Variants in SAMMSON observed in about 807,000 individuals in gnomAD.
SAMMSON encodes the protein survival associated mitochondrial melanoma specific oncogenic non-coding RNA.
rs1382562717 is a variant in SAMMSON at position 70,299,151 on chromosome 3, G to C, written n.739+7908G>C. Among the ~76,000 whole-genome samples, 6 of 152,164 alleles carry C rather than the reference G, an allele frequency of 3.9e-5. No homozygotes were observed. In the East Asian group the frequency reaches 9.6e-4, roughly 24 times the overall value. ...CCTGAATATCCAAACATAGGTAATT[G>C]GTTACATATATTTTGTTACTTCATA... On this transcript the variant is annotated intron_variant and non_coding_transcript_variant, in intron 7 of 9. Transcript: ENST00000642114.
Position 70,080,865 on chromosome 3 carries a change from G to C in SAMMSON, n.507+9300G>C, listed in dbSNP as rs557603117. Among the ~76,000 whole-genome samples the C allele has an allele frequency of 3.3e-5, 5 of 152,208 alleles. No homozygotes were observed. The East Asian group carries it at 9.7e-4, about 29-fold the overall frequency. ...AAAGATCCAGCTGATAACCTTTGAA[G>C]ATGTGGTTCCTGTGCTTTCTACTAA... On this transcript the variant is annotated intron_variant and non_coding_transcript_variant, in intron 4 of 9. Coordinates refer to ENST00000642114, the Ensembl canonical transcript of SAMMSON.
chr3:70,012,753 A>T (rs1037027292), intron 2 of SAMMSON, among the ~76,000 whole-genome samples: 6 of 152,164 alleles, frequency 3.9e-5, no homozygotes, highest in South Asian at 2.1e-4. Flanking sequence ...ATTGGGCCAG[A>T]CTGTAGAAGG....
At chr3:70,185,351 A>G (rs1016801420) in intron 4 of SAMMSON, among the ~76,000 whole-genome samples, 1 of 152,128 alleles carries the variant, frequency 6.6e-6, no homozygotes, top group Admixed American at 6.5e-5. Flanking sequence ...AATGTCCACT[A>G]AAAGTTTCAT....
chr3:70,415,663 T>C (rs1701259175), intron 2 of SAMMSON, among the ~76,000 whole-genome samples: 1 of 152,208 alleles, frequency 6.6e-6, no homozygotes, highest in Non-Finnish European at 1.5e-5. Context: ...GTCAATCTCC[T>C]AATCAAATTT....
chr3:70,020,392 A>G (rs1237891225), intron 3 of SAMMSON, among the ~76,000 whole-genome samples: 2 of 152,210 alleles, frequency 1.3e-5, no homozygotes, highest in African/African-American at 4.8e-5. Context: ...TGACCAAAGG[A>G]ACTGAAATTA....
At chr3:70,340,015 C>G (rs1702698895) in intron 7 of SAMMSON, among the ~76,000 whole-genome samples, 1 of 151,958 alleles carries the variant, frequency 6.6e-6, no homozygotes, top group Non-Finnish European at 1.5e-5. Context: ...AAATGTCCAT[C>G]AATGATAGAC....
chr3:70,359,785 G>T (rs761205817), intron 9 of SAMMSON, among the ~76,000 whole-genome samples: 3 of 152,130 alleles, frequency 2.0e-5, no homozygotes, highest in Middle Eastern at 3.4e-3. Flanking sequence ...TATTTAGAGA[G>T]AATTATTTTA....
At chr3:70,360,175 T>C (rs1301742253) in intron 9 of SAMMSON, among the ~76,000 whole-genome samples, 1 of 152,022 alleles carries the variant, frequency 6.6e-6, no homozygotes, top group Non-Finnish European at 1.5e-5. Context: ...AAGCCAAAGA[T>C]TTAATAGAAA....
chr3:70,350,761 T>C (rs1012972015), intron 7 of SAMMSON, among the ~76,000 whole-genome samples: 1 of 152,130 alleles, frequency 6.6e-6, no homozygotes, highest in East Asian at 1.9e-4. Context: ...AGACATGCTA[T>C]GAAGAAAATA....
chr3:70,153,674 A>G (rs1361886861), intron 4 of SAMMSON, among the ~76,000 whole-genome samples: 1 of 152,052 alleles, frequency 6.6e-6, no homozygotes, highest in African/African-American at 2.4e-5. Flanking sequence ...CGATTTTTAA[A>G]AAACTCTCAA....
intron 1 of SAMMSON, among the ~76,000 whole-genome samples, chr3:70,001,493 T>C (rs2107573426): frequency 6.6e-6 from 1 of 151,982 alleles, no homozygotes; most frequent in South Asian, 2.1e-4. Context: ...CATGTATACA[T>C]GTAATATGTA....
chr3:70,376,540 GT>G (rs1013244255), intron 9 of SAMMSON, among the ~76,000 whole-genome samples: 3 of 151,982 alleles, frequency 2.0e-5, no homozygotes, highest in African/African-American at 7.3e-5. Context: ...GTCATAGAAT[GT>G]TTTTTTATAG....
intron 4 of SAMMSON, among the ~76,000 whole-genome samples, chr3:70,096,823 G>C (rs935464312): frequency 6.6e-6 from 1 of 152,130 alleles, no homozygotes; most frequent in Admixed American, 6.6e-5. Context: ...CTAGAATAGC[G>C]TTGATCAAAC....
chr3:70,284,819 G>T (rs1018920653), intron 6 of SAMMSON, among the ~76,000 whole-genome samples: 4 of 152,184 alleles, frequency 2.6e-5, no homozygotes, highest in African/African-American at 9.6e-5. Context: ...CCTGGGTCAT[G>T]AAATAGTCTG....
intron 9 of SAMMSON, among the ~76,000 whole-genome samples, chr3:70,371,865 A>G (rs564222591): frequency 6.6e-6 from 1 of 152,266 alleles, no homozygotes; most frequent in South Asian, 2.1e-4. Flanking sequence ...GACTTCCAGT[A>G]CTAGGTTAAA....
intron 4 of SAMMSON, among the ~76,000 whole-genome samples, chr3:70,104,070 G>A (rs779211415): frequency 1.3e-5 from 2 of 151,066 alleles, no homozygotes; most frequent in East Asian, 2.0e-4. Context: ...GTGGTAGAAC[G>A]GAAAACCCAA....
intron 4 of SAMMSON, among the ~76,000 whole-genome samples, chr3:70,133,585 A>G (rs1242047413): frequency 2.0e-5 from 3 of 152,140 alleles, no homozygotes; most frequent in African/African-American, 7.2e-5. Context: ...CACAGGTCAC[A>G]GTCTGGGGCT....
chr3:70,150,922 G>T (rs1004215798), intron 4 of SAMMSON, among the ~76,000 whole-genome samples: 1 of 151,912 alleles, frequency 6.6e-6, no homozygotes, highest in African/African-American at 2.4e-5. Flanking sequence ...TCAATTTTTT[G>T]AGTAGGGCTA....
intron 3 of SAMMSON, among the ~76,000 whole-genome samples, chr3:70,036,018 T>G (rs2067083934): frequency 6.6e-6 from 1 of 152,162 alleles, no homozygotes; most frequent in African/African-American, 2.4e-5. Context: ...AGTCCAAAGG[T>G]AAGTATAGAT....
Sources: allele counts gnomAD v4.1 joint callset (sites outside exome capture counted in the v4.1 genomes callset), GRCh38; gene constraint gnomAD v4.1.1; transcripts MANE v1.5; gene names NCBI Gene and HGNC (gene_info 2026-07-23, HGNC 2026-07-21).